Variants in OPCML observed in about 807,000 individuals in gnomAD.
The protein encoded by OPCML is opioid binding protein/cell adhesion molecule like, also known as opioid-binding protein/cell adhesion molecule.
Under a neutral mutation model 37.8 loss-of-function variants are expected in OPCML, and 13 were observed. The observed-to-expected ratio is 0.34, with a 90% confidence interval of 0.22 to 0.55. OPCML has a LOEUF of 0.55. Ranked by LOEUF, OPCML falls within the 20% of genes least tolerant of loss-of-function variation. The pLI is 0.91. For missense variants in OPCML, 341 were observed against 435.6 expected, an observed-to-expected ratio of 0.78 and a Z score of 1.93; for synonymous variants, 176 against 168.8, an observed-to-expected ratio of 1.04 and a Z score of -0.33.
intron 1 of OPCML, among the ~76,000 whole-genome samples, chr11:133,396,368 C>T (rs540423653): frequency 2.0e-5 from 3 of 151,924 alleles, no homozygotes; most frequent in Admixed American, 1.3e-4. Flanking sequence ...AATTTGAATG[C>T]CCTTTATTTT....
Position 133,262,212 on chromosome 11 carries a change from G to T in OPCML, c.61+270052C>A, listed in dbSNP as rs190757835. Among the ~76,000 whole-genome samples, 10 of 152,266 alleles carry T rather than the reference G, an allele frequency of 6.6e-5. No homozygotes were observed. The East Asian group carries it at 1.7e-3, about 26-fold the overall frequency. On this transcript the variant is annotated intron_variant, in intron 1 of 7. Transcript: ENST00000524381. ...CACATATTTGACGTTTTTGTGTGTG[G>T]TGAAAACAATGCCTCCATTTTCCAT...
chr11:132,792,776 A>G (rs67661275), intron 2 of OPCML, among the ~76,000 whole-genome samples: 12,010 of 152,232 alleles, frequency 0.079, 504 homozygotes, highest in African/African-American at 0.09. Context: ...GCTGAGTGCA[A>G]GGGTGGCTCC....
intron 4 of OPCML, among the ~76,000 whole-genome samples, chr11:132,452,955 G>A (rs1217900018): frequency 6.6e-6 from 1 of 152,078 alleles, no homozygotes; most frequent in East Asian, 1.9e-4. Flanking sequence ...ATCTGACCTT[G>A]CTTATAAGTC....
At chr11:132,782,941 A>ATG (rs1947086442) in intron 2 of OPCML, among the ~76,000 whole-genome samples, 2 of 146,432 alleles carry the variant, frequency 1.4e-5, no homozygotes, top group Non-Finnish European at 3.0e-5. Context: ...ATATATATAT[A>ATG]TATATGTATG....
intron 1 of OPCML, among the ~76,000 whole-genome samples, chr11:133,198,058 A>G (rs939391356): frequency 6.6e-6 from 1 of 152,272 alleles, no homozygotes; most frequent in African/African-American, 2.4e-5. Flanking sequence ...CTACGCTAGC[A>G]GAAAATAAAT....
At chr11:133,189,640 T>A (rs2136298966) in intron 1 of OPCML, among the ~76,000 whole-genome samples, 1 of 152,326 alleles carries the variant, frequency 6.6e-6, no homozygotes, top group South Asian at 2.1e-4. Flanking sequence ...AAAGAGGTTG[T>A]GGCCAGGTTT....
intron 1 of OPCML, among the ~76,000 whole-genome samples, chr11:133,329,817 CA>C (rs1943574191): frequency 6.6e-6 from 1 of 152,152 alleles, no homozygotes; most frequent in Non-Finnish European, 1.5e-5. Flanking sequence ...GCAATGGCAA[CA>C]AAAGCTAAAA....
chr11:132,989,198 C>A (rs190502682), intron 1 of OPCML, among the ~76,000 whole-genome samples: 40 of 152,286 alleles, frequency 2.6e-4, no homozygotes, highest in Admixed American at 7.2e-4. Context: ...TTCATAGCAA[C>A]CCTGTTCACA....
At chr11:133,493,714 A>G (rs1425865382) in intron 1 of OPCML, among the ~76,000 whole-genome samples, 1 of 152,208 alleles carries the variant, frequency 6.6e-6, no homozygotes, top group East Asian at 1.9e-4. Context: ...GTTGTGTCAA[A>G]GAGTATGCAT....
intron 1 of OPCML, among the ~76,000 whole-genome samples, chr11:133,441,379 A>C (rs1946362626): frequency 6.6e-6 from 1 of 152,156 alleles, no homozygotes; most frequent in Non-Finnish European, 1.5e-5. Context: ...CGAATTTGAG[A>C]ATTAAGAAAC....
intron 3 of OPCML, among the ~76,000 whole-genome samples, chr11:132,537,783 T>C (rs916896492): frequency 2.0e-5 from 3 of 152,174 alleles, no homozygotes; most frequent in African/African-American, 7.2e-5. Flanking sequence ...CCAAAGAAGA[T>C]ATACTAATCG....
At chr11:133,202,198 G>A (rs1027104071) in intron 1 of OPCML, among the ~76,000 whole-genome samples, 15 of 152,164 alleles carry the variant, frequency 9.9e-5, no homozygotes, top group African/African-American at 3.6e-4. Flanking sequence ...CCCAGAGGAG[G>A]TCAGCCATTC....
intron 2 of OPCML, among the ~76,000 whole-genome samples, chr11:132,755,953 A>G (rs1946028535): frequency 6.6e-6 from 1 of 152,180 alleles, no homozygotes; most frequent in Admixed American, 6.5e-5. Flanking sequence ...TGCAAAAGGA[A>G]GTCTGTCCAG....
chr11:132,426,201 A>C (rs2095977163), intron 7 of OPCML, among the ~76,000 whole-genome samples: 1 of 152,224 alleles, frequency 6.6e-6, no homozygotes, highest in South Asian at 2.1e-4. Flanking sequence ...TTCCTTTAGA[A>C]TATAGAAAGA....
At chr11:133,319,726 G>A (rs1056450027) in intron 1 of OPCML, among the ~76,000 whole-genome samples, 4 of 152,242 alleles carry the variant, frequency 2.6e-5, no homozygotes, top group Middle Eastern at 3.4e-3. Context: ...CAAAAGAGAC[G>A]GACACAGCAA....
At chr11:133,184,496 C>G (rs1453036257) in intron 1 of OPCML, among the ~76,000 whole-genome samples, 2 of 152,088 alleles carry the variant, frequency 1.3e-5, no homozygotes, top group African/African-American at 4.8e-5. Flanking sequence ...AGAAGGCGAG[C>G]AAAATCCTGC....
At chr11:132,774,295 C>T (rs976899969) in intron 2 of OPCML, among the ~76,000 whole-genome samples, 2 of 152,228 alleles carry the variant, frequency 1.3e-5, no homozygotes, top group African/African-American at 2.4e-5. Context: ...CCCACTTCTT[C>T]TTAACTCTAT....
intron 2 of OPCML, among the ~76,000 whole-genome samples, chr11:132,735,619 GACTACAGGC>G (rs1337776714): frequency 6.6e-6 from 1 of 152,056 alleles, no homozygotes. Context: ...GAGTAGCTGG[GACTACAGGC>G]ACCCACCACT....
At chr11:133,255,159 T>A (rs1941270712) in intron 1 of OPCML, among the ~76,000 whole-genome samples, 1 of 152,136 alleles carries the variant, frequency 6.6e-6, no homozygotes, top group Non-Finnish European at 1.5e-5. Context: ...CTCCTCACTC[T>A]CCGGCCCTGA....
Sources: gnomAD v4.1 joint callset for allele counts (sites outside exome capture counted in the v4.1 genomes callset) on GRCh38, gnomAD v4.1.1 for gene constraint, MANE v1.5 for transcripts, NCBI Gene and HGNC (gene_info 2026-07-23, HGNC 2026-07-21) for gene names.